The following MAP6 variants were observed in gnomAD, a reference collection of about 807,000 sequenced individuals.
MAP6 encodes microtubule-associated protein 6.
MAP6 carries 26 observed loss-of-function variants against 42.4 expected under a neutral mutation model. That is an observed-to-expected ratio of 0.61 (90% confidence interval 0.45 to 0.85). MAP6 has a LOEUF of 0.85. MAP6 is among the 40% of genes least tolerant of loss of function. The pLI is 0.00. For missense variants in MAP6, 966 were observed against 1,099.0 expected (o/e 0.88, Z 1.71); for synonymous variants, 418 against 443.8 (o/e 0.94, Z 0.73).
At chr11:75,629,411 C>T (rs1485669053) in intron 1 of MAP6, among the ~76,000 whole-genome samples, 1 of 152,004 alleles carries the variant, frequency 6.6e-6, no homozygotes, top group African/African-American at 2.4e-5. Flanking sequence ...TCTATCGTGT[C>T]TCTGCTTGGG....
chr11:75,628,422 G>A (rs1943232073), intron 1 of MAP6, among the ~76,000 whole-genome samples: 1 of 152,176 alleles, frequency 6.6e-6, no homozygotes, highest in Non-Finnish European at 1.5e-5. Context: ...ACCTGCTGGG[G>A]GACATCAGTC....
intron 1 of MAP6, among the ~76,000 whole-genome samples, chr11:75,623,702 A>T (rs916136372): frequency 5.9e-5 from 9 of 152,120 alleles, no homozygotes; most frequent in African/African-American, 1.2e-4. Flanking sequence ...ACCAACGAAT[A>T]AACACCTTTG....
At chr11:75,606,092 G>A in intron 2 of MAP6, 88 bp from the exon 3 acceptor site, 1 of 1,483,926 alleles carries the variant, frequency 6.7e-7, no homozygotes, top group Admixed American at 2.0e-5. Context: ...GGTTAATTAA[G>A]GAATGACGGT....
intron 1 of MAP6, among the ~76,000 whole-genome samples, chr11:75,635,074 CT>C (rs1943346862): frequency 1.3e-5 from 2 of 152,094 alleles, no homozygotes; most frequent in African/African-American, 4.8e-5. Context: ...AAGTTTAAGG[CT>C]CATAAAATGG....
At position 75,667,372 on chromosome 11, in the gene MAP6, C is replaced by T. The variant is rs945573016; in HGVS notation, c.905+93G>A. On this transcript the variant is annotated intron_variant, in intron 1 of 3. Transcript: ENST00000304771. This position sits in a 1 kb window ranked among gnomAD's most constrained non-coding sequence, Gnocchi z 5.6. ...GGCCTGGGACTGGAGGGAGGCTGCACGCTAGGCCTGCGCTGGGGATCCTGG... is the reference window on the plus strand; with the variant it reads ...GGCCTGGGACTGGAGGGAGGCTGCATGCTAGGCCTGCGCTGGGGATCCTGG... 4.9e-6 allele frequency: 6 copies of T among 1,224,266 alleles called. No homozygotes were observed. In the African/African-American group the frequency reaches 6.4e-5, roughly 13 times the overall value. 75.8% of individuals were successfully genotyped at this position (1,224,266 alleles called of 1,614,324 possible). A position where few individuals can be genotyped will look rare whatever the true frequency, so the allele number is the denominator to read the frequency against.
chr11:75,668,195 G>T lies in MAP6; in HGVS notation c.175C>A (p.Pro59Thr). 1 of 1,252,522 alleles carries T rather than the reference G, an allele frequency of 8.0e-7. No homozygotes were observed. The highest frequency in any genetic ancestry group is 9.9e-7 in the Non-Finnish European group (1 of 1,006,478). The allele number at this position is 1,252,522 out of a possible 1,614,324, so 77.6% of individuals were successfully genotyped here. A position where few individuals can be genotyped will look rare whatever the true frequency, so the allele number is the denominator to read the frequency against. The part of the protein sequence containing the change: ...PQQQAQPALA[P>T]PSARAVAIET... ...ATGGCAACCGCGCGCGCCGAGGGGG[G>T]CGCGAGCGCCGGCTGCGCCTGCTGC... Residue 59 changes from proline to threonine, a missense_variant, in exon 1 of 4, where the codon CCC becomes ACC. Physicochemically the swap from Pro to Thr is conservative, Grantham distance 38. This residue lies in a region of MAP6 where 943 missense variants were observed against 1,049.9 expected (regional missense o/e 0.90). Coordinates refer to ENST00000304771, the MANE Select transcript of MAP6 (RefSeq NM_033063.2).
intron 1 of MAP6, among the ~76,000 whole-genome samples, chr11:75,628,445 C>T (rs367906429): frequency 5.3e-5 from 8 of 152,304 alleles, no homozygotes; most frequent in African/African-American, 1.7e-4. Flanking sequence ...CATGGCCACA[C>T]GGGTCCAAGC....
At chr11:75,608,012 G>T in intron 2 of MAP6, 97 bp downstream of exon 2, 1 of 1,184,056 alleles carries the variant, frequency 8.4e-7, no homozygotes, top group Non-Finnish European at 1.2e-6. Flanking sequence ...GCCCGTGGAG[G>T]CTGGGCCAGA....
chr11:75,608,566 T>C (rs1049179220), intron 1 of MAP6, among the ~76,000 whole-genome samples: 5 of 152,154 alleles, frequency 3.3e-5, no homozygotes, highest in African/African-American at 1.2e-4. Flanking sequence ...GGTTCCCAGC[T>C]CCACACTGTG....
chr11:75,626,516 A>G (rs1430167779), intron 1 of MAP6, among the ~76,000 whole-genome samples: 2 of 152,110 alleles, frequency 1.3e-5, no homozygotes, highest in East Asian at 3.9e-4. Context: ...GGATAGGGAG[A>G]GACTGGAGGC....
chr11:75,663,292 T>G (rs984723868), intron 1 of MAP6, among the ~76,000 whole-genome samples: 1 of 152,142 alleles, frequency 6.6e-6, no homozygotes, highest in African/African-American at 2.4e-5. Flanking sequence ...ATTTGGACTT[T>G]AACTTGATTG....
intron 3 of MAP6, among the ~76,000 whole-genome samples, chr11:75,593,334 G>T (rs1332336374): frequency 1.3e-5 from 2 of 152,184 alleles, no homozygotes; most frequent in Non-Finnish European, 2.9e-5. Flanking sequence ...ATGTTCCAAG[G>T]TTATATGAGA....
intron 1 of MAP6, among the ~76,000 whole-genome samples, chr11:75,630,508 A>C (rs1943268899): frequency 6.6e-6 from 1 of 152,246 alleles, no homozygotes. Flanking sequence ...TATTTAACTT[A>C]AAATTTTAAA....
At chr11:75,605,701 A>G in intron 3 of MAP6, 107 bp downstream of exon 3, 1 of 1,531,344 alleles carries the variant, frequency 6.5e-7, no homozygotes, top group Non-Finnish European at 8.7e-7. Flanking sequence ...GCAGATGAGA[A>G]GCCTCTAATT....
intron 3 of MAP6, chr11:75,605,540 C>T: frequency 1.6e-6 from 2 of 1,254,842 alleles, no homozygotes; most frequent in Non-Finnish European, 2.0e-6. Context: ...AGCATGCAGT[C>T]AGAGTGCCAG....
chr11:75,659,950 T>C (rs1943814764), intron 1 of MAP6, among the ~76,000 whole-genome samples: 1 of 152,236 alleles, frequency 6.6e-6, no homozygotes, highest in Non-Finnish European at 1.5e-5. Flanking sequence ...TTACCTTCTT[T>C]GTGGGTTAGT....
At chr11:75,600,498 G>C (rs575793806) in intron 3 of MAP6, among the ~76,000 whole-genome samples, 69 of 152,326 alleles carry the variant, frequency 4.5e-4, no homozygotes, top group Non-Finnish European at 5.3e-4. Flanking sequence ...GGAAGTAGGG[G>C]TTGAAACACA....
chr11:75,657,108 C>CTTT (rs1565280855), intron 1 of MAP6, among the ~76,000 whole-genome samples: 1 of 149,170 alleles, frequency 6.7e-6, no homozygotes, highest in Non-Finnish European at 1.5e-5. Flanking sequence ...TGTGGAGACA[C>CTTT]TATTTTTTTT....
intron 1 of MAP6, among the ~76,000 whole-genome samples, chr11:75,660,745 T>G (rs1943829944): frequency 6.6e-6 from 1 of 152,192 alleles, no homozygotes; most frequent in South Asian, 2.1e-4. Context: ...TCTGCTTAGA[T>G]TTTTTCAGTG....
Sources: gnomAD v4.1 joint callset for allele counts (sites outside exome capture counted in the v4.1 genomes callset) on GRCh38, gnomAD v4.1.1 for gene constraint, gnomAD v4.1.1 regional missense constraint, Gnocchi (gnomAD v3.1) non-coding constraint, MANE v1.5 for transcripts, NCBI Gene and HGNC (gene_info 2026-07-23, HGNC 2026-07-21) for gene names.